RARB: variants seen among roughly 807,000 people sequenced by gnomAD.
RARB encodes HBV-activated protein.
RARB carries 17 observed loss-of-function variants against 51.9 expected under a neutral mutation model. The observed-to-expected ratio is 0.33, with a 90% CI of 0.22 to 0.49. RARB has a LOEUF of 0.49. Among genes scored for constraint, RARB ranks in the 20% least tolerant of loss-of-function variants. RARB has a pLI of 0.99. For missense variants in RARB, 369 were observed against 550.8 expected, an observed-to-expected ratio of 0.67 and a Z score of 3.30; for synonymous variants, 215 against 195.4, an observed-to-expected ratio of 1.10 and a Z score of -0.84.
At chr3:24,970,422 T>TA (rs928581163) in intron 2 of RARB, among the ~76,000 whole-genome samples, 3 of 152,034 alleles carry the variant, frequency 2.0e-5, no homozygotes, top group African/African-American at 7.2e-5. Context: ...TCTTTATAAT[T>TA]AGTCCATACT....
chr3:25,489,228 G>A (rs150034671), intron 2 of RARB, among the ~76,000 whole-genome samples: 1 of 152,098 alleles, frequency 6.6e-6, no homozygotes, highest in Admixed American at 6.5e-5. Flanking sequence ...TTCAAATCTT[G>A]GCACTGTGCT....
At chr3:25,425,228 A>G (rs936334792), upstream of RARB, among the ~76,000 whole-genome samples, 4 of 152,136 alleles carry the variant, frequency 2.6e-5, no homozygotes, top group Non-Finnish European at 4.4e-5. Flanking sequence ...AAATCGGTCT[A>G]TTTTTCACTT....
At chr3:25,103,035 G>C (rs1292721200) in intron 3 of RARB, among the ~76,000 whole-genome samples, 1 of 152,202 alleles carries the variant, frequency 6.6e-6, no homozygotes, top group Non-Finnish European at 1.5e-5. Context: ...CTAGACTAGA[G>C]AAGAGGACTC....
At chr3:24,939,970 A>G (rs1445160057) in intron 2 of RARB, among the ~76,000 whole-genome samples, 1 of 152,204 alleles carries the variant, frequency 6.6e-6, no homozygotes, top group Non-Finnish European at 1.5e-5. Context: ...CTCATTTTGG[A>G]TAAATTTTGT....
At chr3:25,072,480 C>G (rs1698787167) in intron 3 of RARB, among the ~76,000 whole-genome samples, 1 of 152,052 alleles carries the variant, frequency 6.6e-6, no homozygotes, top group Admixed American at 6.5e-5. Context: ...GAGGAAAGAT[C>G]CATTTTTGGG....
At chr3:25,106,468 G>GTTGT (rs1699505893) in intron 3 of RARB, among the ~76,000 whole-genome samples, 4 of 114,006 alleles carry the variant, frequency 3.5e-5, no homozygotes, top group African/African-American at 1.1e-4. Context: ...GTTTTTTTTT[G>GTTGT]TTTTGTTTTT....
At chr3:25,267,055 C>A (rs571309173) in intron 5 of RARB, among the ~76,000 whole-genome samples, 105 of 152,312 alleles carry the variant, frequency 6.9e-4, no homozygotes, top group African/African-American at 2.3e-3. Context: ...GTGATTCTGA[C>A]CCCTTCCCTG....
intron 5 of RARB, among the ~76,000 whole-genome samples, chr3:25,184,604 C>T (rs1260978214): frequency 6.6e-6 from 1 of 152,052 alleles, no homozygotes; most frequent in African/African-American, 2.4e-5. Flanking sequence ...TGTTCTTGGA[C>T]AGATTTTTAA....
At chr3:24,924,283 A>G (rs1695273002) in intron 2 of RARB, among the ~76,000 whole-genome samples, 1 of 152,196 alleles carries the variant, frequency 6.6e-6, no homozygotes, top group Non-Finnish European at 1.5e-5. Context: ...GAATTTCTAT[A>G]TTCTTTAGCT....
intron 5 of RARB, among the ~76,000 whole-genome samples, chr3:25,208,388 C>G (rs1051177120): frequency 6.6e-6 from 1 of 152,156 alleles, no homozygotes; most frequent in Non-Finnish European, 1.5e-5. Flanking sequence ...ATGCTGATTT[C>G]TCAACTTCAT....
At chr3:25,324,846 C>T (rs956326862) in intron 5 of RARB, among the ~76,000 whole-genome samples, 6 of 152,180 alleles carry the variant, frequency 3.9e-5, no homozygotes, top group Admixed American at 3.3e-4. Context: ...CCTGACAGTT[C>T]CGGCCTTCCC....
intron 2 of RARB, among the ~76,000 whole-genome samples, chr3:24,887,454 C>G (rs148871571): frequency 2.0e-5 from 3 of 152,140 alleles, no homozygotes; most frequent in African/African-American, 4.8e-5. Flanking sequence ...TTGAGAGTTA[C>G]AGTATTGAGT....
intron 4 of RARB, among the ~76,000 whole-genome samples, chr3:25,154,592 A>G (rs1006775085): frequency 6.6e-6 from 1 of 152,134 alleles, no homozygotes; most frequent in Non-Finnish European, 1.5e-5. Context: ...TCATGTCCCT[A>G]CTTCAGACCT....
chr3:25,231,350 C>T (rs1001993859), intron 5 of RARB, among the ~76,000 whole-genome samples: 3 of 152,106 alleles, frequency 2.0e-5, no homozygotes, highest in African/African-American at 7.2e-5. Context: ...TCACACTGAC[C>T]TTTCCTGTTT....
intron 3 of RARB, among the ~76,000 whole-genome samples, chr3:25,070,158 G>A (rs1016506079): frequency 2.0e-5 from 3 of 152,108 alleles, no homozygotes; most frequent in East Asian, 1.9e-4. Flanking sequence ...CTTCACCAGC[G>A]CATGGCGTTC....
chr3:25,078,156 A>C (rs1698913693), intron 3 of RARB, among the ~76,000 whole-genome samples: 1 of 152,118 alleles, frequency 6.6e-6, no homozygotes, highest in Non-Finnish European at 1.5e-5. Flanking sequence ...TGAATTTATT[A>C]ATCTTAACTG....
chr3:25,204,278 G>C (rs373079283), intron 5 of RARB, among the ~76,000 whole-genome samples: 26 of 152,116 alleles, frequency 1.7e-4, no homozygotes, highest in African/African-American at 5.6e-4. Flanking sequence ...AGCTCCATCA[G>C]GTCCTTTAAG....
chr3:25,288,184 G>T (rs1703702089), intron 5 of RARB, among the ~76,000 whole-genome samples: 1 of 152,112 alleles, frequency 6.6e-6, no homozygotes. Context: ...GTAGGTTATA[G>T]GTGATACCAC....
intron 3 of RARB, among the ~76,000 whole-genome samples, chr3:25,130,943 ATATT>A (rs1416614097): frequency 5.6e-4 from 48 of 85,110 alleles, no homozygotes; most frequent in African/African-American, 2.1e-3. Context: ...GATAATATCA[ATATT>A]TATTATTGAT....
Sources: allele counts gnomAD v4.1 joint callset (sites outside exome capture counted in the v4.1 genomes callset), GRCh38; gene constraint gnomAD v4.1.1; transcripts MANE v1.5; gene names NCBI Gene and HGNC (gene_info 2026-07-23, HGNC 2026-07-21).